The following CDH12 variants were observed in gnomAD, a reference collection of about 807,000 sequenced individuals.
CDH12 encodes cadherin-12.
A neutral mutation model predicts 74.1 loss-of-function variants in CDH12; 41 were observed. The observed-to-expected ratio is 0.55, with a 90% CI of 0.43 to 0.72. The LOEUF (loss-of-function observed/expected upper bound fraction) is 0.72, where lower values mean the gene tolerates loss of function less well. Among genes scored for constraint, CDH12 ranks in the 30% least tolerant of loss-of-function variants. The probability of loss-of-function intolerance (pLI) is 0.00; values close to 1 mark genes in which losing one functional copy is unlikely to be tolerated. For missense variants in CDH12, 945 were observed against 977.2 expected, an observed-to-expected ratio of 0.97 and a Z score of 0.44; for synonymous variants, 399 against 355.0, an observed-to-expected ratio of 1.12 and a Z score of -1.39.
At chr5:22,621,630 T>C (rs185033967) in intron 1 of CDH12, among the ~76,000 whole-genome samples, 1 of 152,230 alleles carries the variant, frequency 6.6e-6, no homozygotes, top group East Asian at 1.9e-4. Flanking sequence ...TCTCTGGCAA[T>C]ATTAATCAAG....
At chr5:22,078,102 GATATAAC>G (rs1227870848) in intron 5 of CDH12, among the ~76,000 whole-genome samples, 14 of 152,072 alleles carry the variant, frequency 9.2e-5, no homozygotes, top group African/African-American at 3.4e-4. Context: ...CAATAAAAAT[GATATAAC>G]TATACTGATA....
At chr5:22,321,846 G>A (rs1487355553) in intron 3 of CDH12, among the ~76,000 whole-genome samples, 2 of 151,938 alleles carry the variant, frequency 1.3e-5, no homozygotes, top group East Asian at 1.9e-4. Context: ...GAAATTATTG[G>A]TTAAGTCCAG....
At chr5:22,504,852 G>A (rs115882979) in intron 2 of CDH12, among the ~76,000 whole-genome samples, 150 of 151,954 alleles carry the variant, frequency 9.9e-4, no homozygotes, top group African/African-American at 3.5e-3. Context: ...GAAATGAGAC[G>A]TATCCAATTT....
chr5:22,484,030 T>C (rs1359688772), intron 2 of CDH12, among the ~76,000 whole-genome samples: 1 of 150,938 alleles, frequency 6.6e-6, no homozygotes, highest in Non-Finnish European at 1.5e-5. Context: ...AAAGGTGGAG[T>C]GTAGTGTTGC....
At chr5:22,009,397 A>T (rs1737156474) in intron 5 of CDH12, among the ~76,000 whole-genome samples, 2 of 152,140 alleles carry the variant, frequency 1.3e-5, no homozygotes, top group African/African-American at 2.4e-5. Context: ...TCAGCCTTGC[A>T]TCAAAATCCA....
At chr5:22,255,335 C>T (rs1015387151) in intron 3 of CDH12, among the ~76,000 whole-genome samples, 16 of 151,444 alleles carry the variant, frequency 1.1e-4, no homozygotes, top group Non-Finnish European at 2.4e-4. Flanking sequence ...ATCATGATCT[C>T]ATGAAAAGTA....
intron 3 of CDH12, among the ~76,000 whole-genome samples, chr5:22,237,793 T>C (rs112765064): frequency 3.2e-4 from 48 of 152,178 alleles, no homozygotes; most frequent in African/African-American, 1.0e-3. Flanking sequence ...GAGGAAGCCA[T>C]ATGCTGAGCG....
At chr5:22,314,846 A>AT (rs917845501) in intron 3 of CDH12, among the ~76,000 whole-genome samples, 33 of 145,532 alleles carry the variant, frequency 2.3e-4, no homozygotes, top group South Asian at 4.4e-4. Context: ...ATAGGTTATT[A>AT]TTTTTTTTTA....
intron 3 of CDH12, among the ~76,000 whole-genome samples, chr5:22,339,398 G>A (rs570147378): frequency 6.6e-6 from 1 of 152,224 alleles, no homozygotes; most frequent in Non-Finnish European, 1.5e-5. Flanking sequence ...TTGCTGTAGA[G>A]GTTAATTCAG....
At chr5:22,274,179 G>T (rs1162020678) in intron 3 of CDH12, among the ~76,000 whole-genome samples, 2 of 151,938 alleles carry the variant, frequency 1.3e-5, no homozygotes, top group African/African-American at 4.8e-5. Context: ...TCTAAGTATT[G>T]TGCCAGGTAT....
chr5:22,728,728 T>C (rs1744285377), intron 1 of CDH12, among the ~76,000 whole-genome samples: 1 of 151,840 alleles, frequency 6.6e-6, no homozygotes, highest in Non-Finnish European at 1.5e-5. Flanking sequence ...TGCATATGGC[T>C]GTCTTCTTGC....
chr5:22,743,088 G>A (rs1043164758), intron 1 of CDH12, among the ~76,000 whole-genome samples: 1 of 151,420 alleles, frequency 6.6e-6, no homozygotes, highest in Non-Finnish European at 1.5e-5. Context: ...GCTCTTTCCA[G>A]TACTTCAGCT....
chr5:22,752,547 T>TTTTTTTTA (rs1745634503), intron 1 of CDH12, among the ~76,000 whole-genome samples: 1 of 17,314 alleles, frequency 5.8e-5, no homozygotes, highest in Non-Finnish European at 1.2e-4. Context: ...GGATACTTCT[T>TTTTTTTTA]TTTTTTTTTT....
intron 1 of CDH12, among the ~76,000 whole-genome samples, chr5:22,530,988 A>G (rs966918052): frequency 6.6e-6 from 1 of 152,130 alleles, no homozygotes; most frequent in Non-Finnish European, 1.5e-5. Context: ...TACAGAACTT[A>G]CATATTTCCT....
intron 4 of CDH12, among the ~76,000 whole-genome samples, chr5:22,131,756 A>C (rs1280622391): frequency 6.6e-6 from 1 of 152,142 alleles, no homozygotes; most frequent in Non-Finnish European, 1.5e-5. Flanking sequence ...GGAAGGATAC[A>C]TTCATCTATA....
At chr5:22,341,808 G>C (rs1739863801) in intron 3 of CDH12, among the ~76,000 whole-genome samples, 1 of 151,980 alleles carries the variant, frequency 6.6e-6, no homozygotes, top group Non-Finnish European at 1.5e-5. Context: ...CAAAATCCAG[G>C]GTTCTTGATG....
In CDH12 at chr5:22,063,188, TTTC is replaced by T. The variant is rs375206273; in HGVS notation, c.231+15255_231+15257del. 2.0e-3 allele frequency among the ~76,000 whole-genome samples: 307 copies of T among 152,266 alleles called. 1 individual carries two copies. The highest frequency in any genetic ancestry group is 2.2e-3 in the Admixed American group (34 of 15,272). ...CTATCGTGCTACTTCTATTTTTGTC[TTTC>T]TTATTTTTTTCTAATACAAAACAAC... On this transcript the variant is annotated intron_variant, in intron 5 of 14. Transcript: ENST00000382254.
intron 8 of CDH12, among the ~76,000 whole-genome samples, chr5:21,832,804 TATCATATA>T (rs1235726098): frequency 1.2e-5 from 1 of 83,792 alleles, no homozygotes; most frequent in African/African-American, 9.7e-5. Context: ...ATATATATAT[TATCATATA>T]ATATATGATA....
At chr5:21,791,158 C>T (rs1305306368) in intron 10 of CDH12, among the ~76,000 whole-genome samples, 1 of 152,058 alleles carries the variant, frequency 6.6e-6, no homozygotes, top group Non-Finnish European at 1.5e-5. Flanking sequence ...CTAATACTAG[C>T]TCCTGGCATC....
Sources: gnomAD v4.1 joint callset for allele counts (sites outside exome capture counted in the v4.1 genomes callset) on GRCh38, gnomAD v4.1.1 for gene constraint, MANE v1.5 for transcripts, NCBI Gene and HGNC (gene_info 2026-07-23, HGNC 2026-07-21) for gene names.